Variants in CFAP92 observed in about 807,000 individuals in gnomAD.
The protein encoded by CFAP92 is cilia and flagella associated protein 92 (putative).
Under a neutral mutation model 106.3 loss-of-function variants are expected in CFAP92, and 86 were observed. The ratio of observed to expected loss-of-function variants is 0.81; its 90% CI spans 0.68 to 0.97. CFAP92 has a LOEUF of 0.97. Among genes scored for constraint, CFAP92 ranks in the 50% least tolerant of loss-of-function variants. The pLI is 0.00. For synonymous variants in CFAP92, 477 were observed against 506.4 expected, an observed-to-expected ratio of 0.94 and a Z score of 0.78; for missense variants, 1,204 against 1,283.8, an observed-to-expected ratio of 0.94 and a Z score of 0.95.
intron 9 of CFAP92, among the ~76,000 whole-genome samples, chr3:128,950,697 A>G (rs931161343): frequency 6.6e-6 from 1 of 151,992 alleles, no homozygotes; most frequent in Non-Finnish European, 1.5e-5. Context: ...GGGGTGCTCA[A>G]CTCCTCCCTG....
intron 12 of CFAP92, among the ~76,000 whole-genome samples, chr3:128,930,199 G>A (rs904586433): frequency 3.9e-5 from 6 of 151,986 alleles, no homozygotes; most frequent in Admixed American, 1.3e-4. Flanking sequence ...CGCCCAGGCT[G>A]GAGTGCAGTG....
intron 12 of CFAP92, among the ~76,000 whole-genome samples, chr3:128,929,123 T>C (rs536092601): frequency 6.6e-6 from 1 of 152,238 alleles, no homozygotes; most frequent in African/African-American, 2.4e-5. Flanking sequence ...TTCAAAAAGA[T>C]ACAAATATAT....
rs1944023208 is a variant in CFAP92, at chr3:128,988,778, T to C, written c.403A>G (p.Ile135Val). The change falls in exon 3 of 16, where the codon ATA (isoleucine) becomes GTA (valine). Residue 135 changes from isoleucine (I) to valine (V), a missense_variant. Ile to Val is a conservative substitution (Grantham distance 29). Transcript: ENST00000645291. ...TTGGCCACCATTGGAAATAGCAATA[T>C]GTCAACTTTTTTAGGTTCTTCATCG... ...PDDEEPKKVD[I>V]LLFPMVAKVF... 1 of 1,613,922 alleles carries C rather than the reference T, an allele frequency of 6.2e-7. No homozygotes were observed. Among genetic ancestry groups the C allele is most frequent in the East Asian group, 2.2e-5 (1 of 44,898 alleles).
chr3:128,911,775 T>C (rs1031150468), intron 15 of CFAP92, among the ~76,000 whole-genome samples: 3 of 152,184 alleles, frequency 2.0e-5, no homozygotes, highest in African/African-American at 7.2e-5. Flanking sequence ...CGGGGAAGGC[T>C]CACGAAGGGA....
intron 4 of CFAP92, among the ~76,000 whole-genome samples, chr3:128,982,689 C>T (rs750954474): frequency 1.3e-5 from 2 of 152,194 alleles, no homozygotes; most frequent in Non-Finnish European, 2.9e-5. Context: ...ATGTGCAAGG[C>T]CTCCTTTCAC....
intron 4 of CFAP92, among the ~76,000 whole-genome samples, chr3:128,982,005 G>C (rs773255602): frequency 6.6e-6 from 1 of 152,192 alleles, no homozygotes; most frequent in Non-Finnish European, 1.5e-5. Context: ...ATAGGCTCTA[G>C]GGTTCTGGGA....
intron 10 of CFAP92, among the ~76,000 whole-genome samples, chr3:128,942,618 G>C (rs1184591161): frequency 2.0e-5 from 3 of 152,066 alleles, no homozygotes; most frequent in Non-Finnish European, 4.4e-5. Flanking sequence ...GGAGCCAAGG[G>C]CAGAGCCCAG....
At chr3:128,931,385 C>T (rs544791384) in intron 12 of CFAP92, among the ~76,000 whole-genome samples, 2 of 151,758 alleles carry the variant, frequency 1.3e-5, no homozygotes, top group East Asian at 1.9e-4. Context: ...AGGCTGGTCT[C>T]GAACTCCTGA....
intron 1 of CFAP92, among the ~76,000 whole-genome samples, chr3:129,000,899 C>T (rs549918889): frequency 5.3e-5 from 8 of 152,328 alleles, no homozygotes; most frequent in Non-Finnish European, 1.2e-4. Flanking sequence ...CGGGGTGCCC[C>T]TAACCTAGAC....
chr3:128,972,336 G>C (rs1269210241), intron 7 of CFAP92, among the ~76,000 whole-genome samples: 1 of 151,704 alleles, frequency 6.6e-6, no homozygotes, highest in African/African-American at 2.4e-5. Context: ...CTGCCTCCTG[G>C]GTTCAAGTGA....
At chr3:128,948,508 G>A (rs1420215246) in intron 9 of CFAP92, among the ~76,000 whole-genome samples, 1 of 144,348 alleles carries the variant, frequency 6.9e-6, no homozygotes, top group Non-Finnish European at 1.5e-5. Context: ...ACAGGCGTGA[G>A]CCACCGTGCC....
chr3:128,996,528 A>G (rs1284510768), upstream of CFAP92, among the ~76,000 whole-genome samples: 2 of 152,214 alleles, frequency 1.3e-5, no homozygotes, highest in Admixed American at 1.3e-4. Context: ...CTCAGGTATG[A>G]GACAGTGGTG....
the CFAP92 span, among the ~76,000 whole-genome samples, chr3:129,025,653 T>G: frequency 2.3e-4 from 35 of 152,026 alleles, no homozygotes; most frequent in Non-Finnish European, 4.4e-4. Context: ...AGCATGTGAG[T>G]GTGATGAGGG....
chr3:128,975,615 A>G (rs1289561950), intron 7 of CFAP92, among the ~76,000 whole-genome samples, 164 bp downstream of exon 7: 1 of 152,224 alleles, frequency 6.6e-6, no homozygotes, highest in East Asian at 1.9e-4. Context: ...GATAGACGGT[A>G]AGGATGGGAT....
intron 15 of CFAP92, chr3:128,910,759 T>G (rs768175073): frequency 6.2e-7 from 1 of 1,614,238 alleles, no homozygotes; most frequent in Non-Finnish European, 8.5e-7. Flanking sequence ...GGCCAACACC[T>G]TCTGCGTGGA....
At position 128,915,543 on chromosome 3, in the gene CFAP92, C is replaced by T. The variant is rs191302703; in HGVS notation, c.2937G>A (p.Thr979=). 1.3e-4 allele frequency: 194 copies of T among 1,520,896 alleles called. 2 individuals are homozygous for T. Among genetic ancestry groups the T allele is most frequent in the Middle Eastern group, 8.5e-4 (5 of 5,894 alleles). 94.2% of individuals were successfully genotyped at this position (1,520,896 alleles called of 1,614,324 possible). ...TGGCTGAGAGGTAATCCTGTGAGTA[C>T]GTGAATCTCTTTCTTGGCTCCTAGA... ...EIAKEPRKRF[T]YSQDYLSAMV... is the part of the protein sequence containing the mutation. The change falls in exon 14 of 16, where the codon ACG becomes ACA. Residue 979 remains threonine (T), a synonymous_variant. Transcript: ENST00000645291.
At chr3:128,963,329 A>G (rs1038491935) in intron 9 of CFAP92, among the ~76,000 whole-genome samples, 103 of 152,278 alleles carry the variant, frequency 6.8e-4, no homozygotes, top group African/African-American at 2.3e-3. Context: ...GTTTTAGCCT[A>G]GCCCTCATGT....
intron 12 of CFAP92, among the ~76,000 whole-genome samples, chr3:128,930,765 T>G (rs1361075652): frequency 6.6e-6 from 1 of 152,016 alleles, no homozygotes; most frequent in Admixed American, 6.6e-5. Context: ...AAAAATAAAT[T>G]TAAAACACTT....
At chr3:129,025,698 G>A in the CFAP92 span, among the ~76,000 whole-genome samples, 2 of 152,140 alleles carry the variant, frequency 1.3e-5, no homozygotes, top group Admixed American at 1.3e-4. Context: ...GCAGAGAGAG[G>A]GGCAATGGGA....
Sources: gnomAD v4.1 joint callset for allele counts (sites outside exome capture counted in the v4.1 genomes callset) on GRCh38, gnomAD v4.1.1 for gene constraint, MANE v1.5 for transcripts, NCBI Gene and HGNC (gene_info 2026-07-23, HGNC 2026-07-21) for gene names.